The following ARL15 variants were observed in gnomAD, a reference collection of about 807,000 sequenced individuals.
ARL15 encodes the protein ARF like GTPase 15, also known as ADP-ribosylation factor-like protein 15.
A neutral mutation model predicts 25.2 loss-of-function variants in ARL15; 19 were observed. The observed-to-expected ratio is 0.75, with a 90% CI of 0.53 to 1.10. The LOEUF is 1.10. ARL15 is among the 50% of genes least tolerant of loss of function. ARL15 has a pLI of 0.00. For missense variants in ARL15, 220 were observed against 246.0 expected, an observed-to-expected ratio of 0.89 and a Z score of 0.71; for synonymous variants, 94 against 86.8, an observed-to-expected ratio of 1.08 and a Z score of -0.46.
intron 4 of ARL15, among the ~76,000 whole-genome samples, chr5:54,058,513 A>G (rs1389764787): frequency 6.6e-6 from 1 of 152,262 alleles, no homozygotes; most frequent in African/African-American, 2.4e-5. Context: ...AAACAGCAAC[A>G]AACAAATGAA....
At chr5:54,196,722 T>G (rs11741141) in intron 1 of ARL15, among the ~76,000 whole-genome samples, 11,922 of 152,216 alleles carry the variant, frequency 0.078, 550 homozygotes, top group Middle Eastern at 0.14. Context: ...TCTTCATTAT[T>G]CTTTAATTAT....
At chr5:54,228,737 T>C (rs990910077) in intron 1 of ARL15, among the ~76,000 whole-genome samples, 1 of 152,196 alleles carries the variant, frequency 6.6e-6, no homozygotes, top group Non-Finnish European at 1.5e-5. Flanking sequence ...TTCCCTTTAA[T>C]GAATTTCAGG....
At chr5:54,070,387 G>A (rs892713848) in intron 4 of ARL15, among the ~76,000 whole-genome samples, 2 of 151,074 alleles carry the variant, frequency 1.3e-5, no homozygotes, top group East Asian at 2.0e-4. Flanking sequence ...GCGAGACTCC[G>A]TCTCAAAAAA....
At chr5:54,217,829 C>T (rs933250470) in intron 1 of ARL15, among the ~76,000 whole-genome samples, 1 of 151,962 alleles carries the variant, frequency 6.6e-6, no homozygotes, top group African/African-American at 2.4e-5. Context: ...AATTAAAAAT[C>T]GGTATGTCAT....
intron 3 of ARL15, among the ~76,000 whole-genome samples, chr5:54,114,417 A>AAAAAAAAAAAAAAAAAAAAC (rs1190191336): frequency 2.7e-5 from 4 of 148,964 alleles, no homozygotes; most frequent in Admixed American, 6.7e-5. Context: ...AAAAAAAAAA[A>AAAAAAAAAAAAAAAAAAAAC]AAAAAGCAAC....
chr5:53,939,395 G>C (rs1196703165), intron 4 of ARL15, among the ~76,000 whole-genome samples: 3 of 151,950 alleles, frequency 2.0e-5, no homozygotes, highest in Non-Finnish European at 2.9e-5. Flanking sequence ...ACAAATTTTT[G>C]GACTGACGAA....
At chr5:54,225,137 A>G (rs1017530882) in intron 1 of ARL15, among the ~76,000 whole-genome samples, 3 of 152,222 alleles carry the variant, frequency 2.0e-5, no homozygotes, top group Admixed American at 2.0e-4. Flanking sequence ...AAAGGGTAGC[A>G]TTTGGCACAC....
rs1004364387 is a variant in ARL15, at chr5:53,915,836, G to A, written c.463-29123C>T. ...ATTGCAGCAAGTAAGAAAGAGAAAC[G>A]ACTTGATTTAAGGTTGGTTTTTGAT... On this transcript the variant is annotated intron_variant, in intron 4 of 4. Coordinates refer to ENST00000504924, the MANE Select transcript of ARL15 (RefSeq NM_019087.3). 1.1e-4 allele frequency among the ~76,000 whole-genome samples: 17 copies of A among 152,292 alleles called. No homozygotes were observed. The East Asian group carries it at 2.3e-3, about 21-fold the overall frequency.
At chr5:54,235,766 C>T (rs1227799451) in intron 1 of ARL15, among the ~76,000 whole-genome samples, 4 of 152,224 alleles carry the variant, frequency 2.6e-5, no homozygotes, top group African/African-American at 4.8e-5. Flanking sequence ...GCCACCACCC[C>T]GGGCTATAGT....
At chr5:53,953,087 A>G (rs886087992) in intron 4 of ARL15, among the ~76,000 whole-genome samples, 2 of 152,336 alleles carry the variant, frequency 1.3e-5, no homozygotes, top group East Asian at 3.9e-4. Context: ...CAGAACAATG[A>G]CACAATGTTT....
rs920384990 is a variant in ARL15 at position 54,013,434 on chromosome 5, A to C, written c.462+99768T>G. ...TTAGTTTAAATTTTAACTTTGAAAC[A>C]ATGATGATGCTAGTTGCTCCCTAAA... On this transcript the variant is annotated intron_variant, in intron 4 of 4. Coordinates refer to ENST00000504924, the MANE Select transcript of ARL15 (RefSeq NM_019087.3). Among the ~76,000 whole-genome samples the C allele has an allele frequency of 1.1e-4, 17 of 152,214 alleles. 1 individual carries two copies. Among genetic ancestry groups the C allele is most frequent in the Non-Finnish European group, 4.4e-5 (3 of 68,032 alleles).
chr5:54,271,014 T>C (rs1305018002), intron 1 of ARL15, among the ~76,000 whole-genome samples: 1 of 152,192 alleles, frequency 6.6e-6, no homozygotes. Flanking sequence ...ATCCCCTGCC[T>C]TGGACAACAG....
rs570222117 is a variant in ARL15 at position 53,885,221 on chromosome 5, T to TA, written c.*1339dup. On this transcript the variant is annotated 3_prime_UTR_variant, in exon 5 of 5. Transcript: ENST00000504924. Reference sequence around the variant, plus strand: ...CTCATGTGCAGGGAGCAGTTTTTTTTATCATTTGGCCACTTAGTATTTTAA... The same window carrying TA: ...CTCATGTGCAGGGAGCAGTTTTTTTTAATCATTTGGCCACTTAGTATTTTAA... 1.3e-3 allele frequency: 197 copies of TA among 152,708 alleles called. 1 individual carries two copies. Among genetic ancestry groups the TA allele is most frequent in the Non-Finnish European group, 1.3e-3 (86 of 68,012 alleles). The allele number at this position is 152,708 out of a possible 1,614,324, so 9.5% of individuals were successfully genotyped here. A position where few individuals can be genotyped will look rare whatever the true frequency, so the allele number is the denominator to read the frequency against.
chr5:53,956,189 A>G (rs1479881769), intron 4 of ARL15, among the ~76,000 whole-genome samples: 2 of 151,942 alleles, frequency 1.3e-5, no homozygotes, highest in Admixed American at 6.6e-5. Context: ...TCAGAACACT[A>G]TCTGAATGGA....
intron 2 of ARL15, among the ~76,000 whole-genome samples, chr5:54,164,390 T>G (rs948675213): frequency 1.3e-5 from 2 of 152,058 alleles, no homozygotes; most frequent in African/African-American, 4.8e-5. Flanking sequence ...AGTTAGCTGT[T>G]AGTGTTGTTG....
At chr5:54,264,256 C>T (rs556227124) in intron 1 of ARL15, among the ~76,000 whole-genome samples, 20 of 152,126 alleles carry the variant, frequency 1.3e-4, no homozygotes, top group African/African-American at 4.6e-4. Flanking sequence ...TCCGCACATC[C>T]ACTCCATGAG....
At chr5:54,059,997 T>A (rs569063795) in intron 4 of ARL15, among the ~76,000 whole-genome samples, 1 of 152,194 alleles carries the variant, frequency 6.6e-6, no homozygotes, top group South Asian at 2.1e-4. Flanking sequence ...TCATGTTCTA[T>A]ACTGATACGG....
At chr5:53,958,957 T>C (rs1747265511) in intron 4 of ARL15, among the ~76,000 whole-genome samples, 1 of 152,174 alleles carries the variant, frequency 6.6e-6, no homozygotes, top group South Asian at 2.1e-4. Context: ...TCGACAATAA[T>C]AATTGGGGAC....
At chr5:54,071,523 CCCG>C (rs764617419) in intron 4 of ARL15, among the ~76,000 whole-genome samples, 80 of 117,264 alleles carry the variant, frequency 6.8e-4, no homozygotes, top group Non-Finnish European at 1.2e-3. Flanking sequence ...CCCCCCCCCC[CCCG>C]CAAAGCCAGA....
Sources: allele counts gnomAD v4.1 joint callset (sites outside exome capture counted in the v4.1 genomes callset), GRCh38; gene constraint gnomAD v4.1.1; transcripts MANE v1.5; gene names NCBI Gene and HGNC (gene_info 2026-07-23, HGNC 2026-07-21).